Variants in SPECC1 observed in about 807,000 individuals in gnomAD.
The protein encoded by SPECC1 is cytospin-B.
Under a neutral mutation model 104.1 loss-of-function variants are expected in SPECC1, and 62 were observed. The observed-to-expected ratio is 0.60, with a 90% CI of 0.49 to 0.74. The LOEUF is 0.74. SPECC1 is among the 30% of genes least tolerant of loss of function. The pLI, the probability that SPECC1 is intolerant of heterozygous loss-of-function variation, is 0.00. For missense variants in SPECC1, 1,306 were observed against 1,310.5 expected, an observed-to-expected ratio of 1.00 and a Z score of 0.05; for synonymous variants, 513 against 501.6, an observed-to-expected ratio of 1.02 and a Z score of -0.30.
chr17:20,156,284 C>G lies in SPECC1; in HGVS notation c.283+45722C>G, dbSNP rs545231314. 247 of 1,293,454 alleles carry G rather than the reference C, an allele frequency of 1.9e-4. 3 individuals carry two copies. In the South Asian group the frequency reaches 2.8e-3, roughly 15 times the overall value. 80.1% of individuals were successfully genotyped at this position (1,293,454 alleles called of 1,614,324 possible). A position where few individuals can be genotyped will look rare whatever the true frequency, so the allele number is the denominator to read the frequency against. On this transcript the variant is annotated intron_variant, in intron 3 of 14. Transcript: ENST00000395527. Reference sequence around the variant, plus strand: ...GCGCCGCAGCCGCAACCCCACCCCCCCTCCAGGCGCCCTTCCCCCACCGCC... The same window carrying G: ...GCGCCGCAGCCGCAACCCCACCCCCGCTCCAGGCGCCCTTCCCCCACCGCC...
intron 13 of SPECC1, among the ~76,000 whole-genome samples, chr17:20,298,926 A>G (rs1223323930): frequency 3.3e-5 from 2 of 61,472 alleles, no homozygotes; most frequent in African/African-American, 1.4e-4. Flanking sequence ...ACCAAAAGAG[A>G]GAGAGAGAGA....
At chr17:20,179,005 G>A (rs1434180174) in intron 3 of SPECC1, among the ~76,000 whole-genome samples, 2 of 152,234 alleles carry the variant, frequency 1.3e-5, no homozygotes, top group Admixed American at 1.3e-4. Flanking sequence ...AATAGAGTCT[G>A]TATGGATTAT....
At chr17:20,117,806 A>T (rs181489620) in intron 3 of SPECC1, among the ~76,000 whole-genome samples, 274 of 151,844 alleles carry the variant, frequency 1.8e-3, no homozygotes, top group Middle Eastern at 3.4e-3. Flanking sequence ...AGCCTTACTT[A>T]AGAAATGTAA....
chr17:20,156,150 A>T (rs777123957), intron 3 of SPECC1: 1 of 1,431,100 alleles, frequency 7.0e-7, no homozygotes. Flanking sequence ...CACGGTGGAC[A>T]CCCGGTCCGA....
chr17:20,183,584 T>G (rs958783965), intron 3 of SPECC1, among the ~76,000 whole-genome samples: 16 of 152,306 alleles, frequency 1.1e-4, no homozygotes, highest in South Asian at 6.2e-4. Flanking sequence ...GTCCCTGATA[T>G]AAAATGCTAT....
intron 3 of SPECC1, among the ~76,000 whole-genome samples, chr17:20,155,128 G>T (rs1295781442): frequency 2.0e-5 from 3 of 152,290 alleles, no homozygotes. Flanking sequence ...GAGGTCTGTT[G>T]GCTGAGCTTT....
intron 3 of SPECC1, among the ~76,000 whole-genome samples, chr17:20,164,613 A>G (rs769289515): frequency 1.3e-5 from 2 of 152,088 alleles, no homozygotes; most frequent in Non-Finnish European, 2.9e-5. Flanking sequence ...TCTTTAACAT[A>G]TTTGGTTTGA....
chr17:20,270,339 G>A (rs747990718), intron 12 of SPECC1, among the ~76,000 whole-genome samples: 19 of 142,828 alleles, frequency 1.3e-4, no homozygotes, highest in Non-Finnish European at 7.5e-5. Context: ...GCTCATGCCT[G>A]TAATCCAGAC....
At chr17:20,271,563 C>A (rs537959933) in intron 12 of SPECC1, among the ~76,000 whole-genome samples, 37 of 152,084 alleles carry the variant, frequency 2.4e-4, no homozygotes, top group African/African-American at 8.4e-4. Flanking sequence ...CTCATTCAAC[C>A]GCAACTCTTC....
At chr17:20,117,973 C>T (rs1437870130) in intron 3 of SPECC1, among the ~76,000 whole-genome samples, 3 of 151,142 alleles carry the variant, frequency 2.0e-5, no homozygotes, top group Non-Finnish European at 4.4e-5. Context: ...AGCATGGAAG[C>T]GTGCACCTGT....
intron 1 of SPECC1, chr17:20,067,394 C>CG (rs1362639615): frequency 6.6e-6 from 1 of 151,982 alleles, no homozygotes; most frequent in African/African-American, 2.4e-5. Context: ...CCATGCGCCT[C>CG]GGCCTCCCAA....
intron 1 of SPECC1, among the ~76,000 whole-genome samples, chr17:20,070,494 G>A (rs1302793820): frequency 6.6e-6 from 1 of 151,862 alleles, no homozygotes; most frequent in South Asian, 2.1e-4. Context: ...ATGTTTTTAG[G>A]TTTGGTTTGC....
chr17:20,260,115 G>A (rs1222204389), intron 11 of SPECC1, 77 bp from the exon 12 acceptor site: 1 of 1,162,124 alleles, frequency 8.6e-7, no homozygotes, highest in African/African-American at 1.6e-5. Context: ...TTCTAAAGTA[G>A]GTATTTATTT....
chr17:20,204,038 T>C (rs975265000), intron 3 of SPECC1, among the ~76,000 whole-genome samples: 1 of 152,176 alleles, frequency 6.6e-6, no homozygotes, highest in Non-Finnish European at 1.5e-5. Context: ...CAGAAAACCT[T>C]CCCTTTGTCA....
intron 5 of SPECC1, among the ~76,000 whole-genome samples, chr17:20,228,174 G>A (rs1567963229): frequency 6.6e-6 from 1 of 152,174 alleles, no homozygotes; most frequent in Non-Finnish European, 1.5e-5. Flanking sequence ...GTGTGTAGGT[G>A]ATTGCGAAAA....
At chr17:20,249,273 C>T (rs895357044) in intron 9 of SPECC1, among the ~76,000 whole-genome samples, 13 of 152,066 alleles carry the variant, frequency 8.5e-5, no homozygotes, top group Non-Finnish European at 5.9e-5. Flanking sequence ...CAAAAATCAA[C>T]TGGGCATGGT....
At chr17:20,262,015 T>C (rs1445789441) in intron 12 of SPECC1, among the ~76,000 whole-genome samples, 2 of 152,238 alleles carry the variant, frequency 1.3e-5, no homozygotes, top group African/African-American at 4.8e-5. Context: ...GTAAGTACTA[T>C]GTTAGTATTG....
chr17:20,019,972 T>C (rs144681181), intron 1 of SPECC1, among the ~76,000 whole-genome samples: 1 of 152,336 alleles, frequency 6.6e-6, no homozygotes, highest in East Asian at 1.9e-4. Context: ...CAGTAAGTCA[T>C]AGTTATATAC....
intron 12 of SPECC1, among the ~76,000 whole-genome samples, chr17:20,277,940 C>T (rs866168119): frequency 6.6e-6 from 1 of 152,326 alleles, no homozygotes; most frequent in Middle Eastern, 3.4e-3. Flanking sequence ...ACCTTCTCCT[C>T]TCCATAGTCC....
Sources: allele counts gnomAD v4.1 joint callset (sites outside exome capture counted in the v4.1 genomes callset), GRCh38; gene constraint gnomAD v4.1.1; transcripts MANE v1.5; gene names NCBI Gene and HGNC (gene_info 2026-07-23, HGNC 2026-07-21).